The following ADAMTSL3 variants were observed in gnomAD, a reference collection of about 807,000 sequenced individuals.
ADAMTSL3 encodes ADAMTS-like protein 3.
Under a neutral mutation model 201.7 loss-of-function variants are expected in ADAMTSL3, and 128 were observed. The ratio of observed to expected loss-of-function variants is 0.63; its 90% CI spans 0.55 to 0.73. The LOEUF is 0.73. Among genes scored for constraint, ADAMTSL3 ranks in the 30% least tolerant of loss-of-function variants. The probability of loss-of-function intolerance (pLI) is 0.00; values close to 1 mark genes in which losing one functional copy is unlikely to be tolerated. For synonymous variants in ADAMTSL3, 738 were observed against 748.4 expected (o/e 0.99, Z 0.23); for missense variants, 1,990 against 2,119.6 (o/e 0.94, Z 1.20).
intron 23 of ADAMTSL3, among the ~76,000 whole-genome samples, chr15:83,994,686 T>C (rs1039643709): frequency 7.5e-6 from 1 of 133,638 alleles, no homozygotes; most frequent in Non-Finnish European, 1.6e-5. Context: ...AATCTCTGCC[T>C]CCCAGGTTCA....
intron 8 of ADAMTSL3, among the ~76,000 whole-genome samples, chr15:83,864,102 G>A (rs1474081983): frequency 2.6e-5 from 4 of 152,300 alleles, no homozygotes; most frequent in Admixed American, 6.5e-5. Flanking sequence ...AACAGGCTCT[G>A]AAATTGAGGC....
At chr15:83,719,713 G>C (rs1204002458) in intron 3 of ADAMTSL3, among the ~76,000 whole-genome samples, 2 of 152,136 alleles carry the variant, frequency 1.3e-5, no homozygotes, top group Non-Finnish European at 2.9e-5. Context: ...CTTTATGTAT[G>C]TTTGAAATCT....
intron 19 of ADAMTSL3, among the ~76,000 whole-genome samples, chr15:83,958,320 A>G (rs2066897522): frequency 6.6e-6 from 1 of 152,224 alleles, no homozygotes; most frequent in Non-Finnish European, 1.5e-5. Flanking sequence ...CAGAACCACT[A>G]AAGGGCTTAA....
At chr15:83,818,064 G>GA (rs899132046) in intron 5 of ADAMTSL3, among the ~76,000 whole-genome samples, 16 of 151,316 alleles carry the variant, frequency 1.1e-4, no homozygotes, top group African/African-American at 3.4e-4. Flanking sequence ...CTTCTGATTG[G>GA]AAAAAAAACT....
rs774194568 is a variant in ADAMTSL3 at position 83,885,117 on chromosome 15, C to G, written c.977C>G (p.Ala326Gly). Residue 326 changes from alanine (A) to glycine (G), a missense_variant, in exon 10 of 30, where the codon GCC (alanine) becomes GGC (glycine). Ala to Gly is a moderately conservative substitution (Grantham distance 60). Coordinates refer to ENST00000286744, the MANE Select transcript of ADAMTSL3 (RefSeq NM_207517.3). ...TTTGTCCAGACCAGGTACACTGCAG[C>G]CAAAGACAGCGTGGTTCAGTTCTTC... ...DFIFKTRYTA[A>G]KDSVVQFFFY... is the part of the protein sequence containing the mutation. 2.5e-6 allele frequency: 4 copies of G among 1,613,922 alleles called. No individual in the cohort carries two copies. Among genetic ancestry groups the G allele is most frequent in the Non-Finnish European group, 3.4e-6 (4 of 1,179,854 alleles).
At chr15:83,812,989 C>A (rs2063720712) in intron 5 of ADAMTSL3, among the ~76,000 whole-genome samples, 1 of 152,184 alleles carries the variant, frequency 6.6e-6, no homozygotes, top group South Asian at 2.1e-4. Flanking sequence ...GCACACCTAA[C>A]CACTCTACTA....
chr15:83,964,648 A>C (rs908384833), intron 19 of ADAMTSL3, among the ~76,000 whole-genome samples: 1 of 152,192 alleles, frequency 6.6e-6, no homozygotes, highest in Non-Finnish European at 1.5e-5. Context: ...AAAGGCCAAC[A>C]TTCAAATTCA....
At chr15:83,764,316 A>G (rs943058529) in intron 3 of ADAMTSL3, among the ~76,000 whole-genome samples, 30 of 152,314 alleles carry the variant, frequency 2.0e-4, no homozygotes, top group Non-Finnish European at 3.7e-4. Flanking sequence ...GCTTAAAAAT[A>G]GTCCAGTGAG....
intron 3 of ADAMTSL3, among the ~76,000 whole-genome samples, chr15:83,716,473 C>A (rs2062020368): frequency 6.7e-6 from 1 of 149,774 alleles, no homozygotes. Flanking sequence ...CGAGAGCGTG[C>A]CATTGCATTC....
intron 2 of ADAMTSL3, among the ~76,000 whole-genome samples, chr15:83,679,132 A>C (rs927524120): frequency 6.6e-6 from 1 of 151,876 alleles, no homozygotes; most frequent in Admixed American, 6.6e-5. Flanking sequence ...TGAGGTTTTA[A>C]AAATTTTTTA....
chr15:83,854,454 G>A (rs1221253461), intron 7 of ADAMTSL3, among the ~76,000 whole-genome samples: 5 of 152,210 alleles, frequency 3.3e-5, no homozygotes, highest in South Asian at 2.1e-4. Flanking sequence ...AAAGTGATGC[G>A]TGATTTATGT....
chr15:83,786,136 C>A (rs2063259209), intron 4 of ADAMTSL3, among the ~76,000 whole-genome samples: 1 of 152,104 alleles, frequency 6.6e-6, no homozygotes, highest in Non-Finnish European at 1.5e-5. Context: ...ACCACCACAT[C>A]CACCTAATTT....
intron 4 of ADAMTSL3, among the ~76,000 whole-genome samples, chr15:83,776,806 A>G (rs2063082967): frequency 6.6e-6 from 1 of 152,254 alleles, no homozygotes; most frequent in Non-Finnish European, 1.5e-5. Context: ...TATTACTGCT[A>G]AGAAGAAATC....
intron 23 of ADAMTSL3, among the ~76,000 whole-genome samples, chr15:83,994,556 G>A (rs1171424353): frequency 2.1e-5 from 2 of 94,682 alleles, no homozygotes; most frequent in African/African-American, 7.5e-5. Context: ...GGATGTTTTT[G>A]TTGGTTTGTT....
intron 6 of ADAMTSL3, among the ~76,000 whole-genome samples, chr15:83,832,221 T>C (rs910077729): frequency 2.6e-5 from 4 of 152,184 alleles, no homozygotes; most frequent in Non-Finnish European, 5.9e-5. Flanking sequence ...GCAGTCAACA[T>C]GAGCTCCCCT....
chr15:83,859,005 G>A (rs187679953), intron 8 of ADAMTSL3, among the ~76,000 whole-genome samples, 165 bp downstream of exon 8: 12 of 152,316 alleles, frequency 7.9e-5, no homozygotes, highest in African/African-American at 2.6e-4. Context: ...GCACAGCAAA[G>A]CTAAACACTG....
chr15:83,911,891 A>G (rs1208017323), intron 15 of ADAMTSL3, among the ~76,000 whole-genome samples: 2 of 152,214 alleles, frequency 1.3e-5, no homozygotes, highest in South Asian at 2.1e-4. Context: ...AATCCCACGG[A>G]CAAGGGTCTA....
At chr15:83,905,896 C>CT (rs766918111) in intron 15 of ADAMTSL3, among the ~76,000 whole-genome samples, 39 of 147,210 alleles carry the variant, frequency 2.6e-4, no homozygotes, top group Middle Eastern at 3.5e-3. Flanking sequence ...AGGAGATTAT[C>CT]TTTTTTTTTT....
At chr15:84,031,480 A>G (rs765688855) in intron 28 of ADAMTSL3, 48 bp downstream of exon 28, 1 of 1,529,854 alleles carries the variant, frequency 6.5e-7, no homozygotes, top group African/African-American at 1.4e-5. Context: ...TGACTCACTC[A>G]GGACAATGAT....
Sources: gnomAD v4.1 joint callset for allele counts (sites outside exome capture counted in the v4.1 genomes callset) on GRCh38, gnomAD v4.1.1 for gene constraint, MANE v1.5 for transcripts, NCBI Gene and HGNC (gene_info 2026-07-23, HGNC 2026-07-21) for gene names.